The following GLDN variants were observed in gnomAD, a reference collection of about 807,000 sequenced individuals.
GLDN encodes the protein collomin.
Under a neutral mutation model 56.5 loss-of-function variants are expected in GLDN, and 47 were observed. The observed-to-expected ratio is 0.83, with a 90% CI of 0.66 to 1.06. The LOEUF is 1.06. Among genes scored for constraint, GLDN ranks in the 50% least tolerant of loss-of-function variants. The probability of loss-of-function intolerance (pLI) is 0.00; values close to 1 mark genes in which losing one functional copy is unlikely to be tolerated. For synonymous variants in GLDN, 332 were observed against 278.8 expected (o/e 1.19, Z -1.90); for missense variants, 782 against 714.3 (o/e 1.09, Z -1.08).
intron 1 of GLDN, among the ~76,000 whole-genome samples, chr15:51,368,185 A>G (rs187670919): frequency 5.8e-4 from 88 of 152,234 alleles, no homozygotes; most frequent in African/African-American, 2.0e-3. Context: ...TTGAGTACCT[A>G]CTATGTGCTT....
chr15:51,400,076 G>A (rs1177725566), intron 6 of GLDN, 116 bp from the exon 7 acceptor site: 1 of 836,400 alleles, frequency 1.2e-6, no homozygotes, highest in Non-Finnish European at 2.0e-6. Flanking sequence ...TCTATTGCAA[G>A]GGATGTTTAT....
intron 1 of GLDN, among the ~76,000 whole-genome samples, chr15:51,361,124 A>C (rs1466572865): frequency 6.6e-6 from 1 of 152,240 alleles, no homozygotes; most frequent in Non-Finnish European, 1.5e-5. Flanking sequence ...TGATTCCAGC[A>C]GTACTCCTGC....
chr15:51,400,283 A>C lies in GLDN; in HGVS notation c.901+8A>C, dbSNP rs1222444184. 6.2e-7 allele frequency: 1 copy of C among 1,614,100 alleles called. No individual in the cohort carries two copies. Among genetic ancestry groups the C allele is most frequent in the Non-Finnish European group, 8.5e-7 (1 of 1,180,022 alleles). ...ACCATTCCCCACAAGCAGGTATAGAAACAAAGCGTCCTGTCTTGAAATTCA... is the reference window on the plus strand; with the variant it reads ...ACCATTCCCCACAAGCAGGTATAGACACAAAGCGTCCTGTCTTGAAATTCA... On this transcript the variant is annotated splice_region_variant and intron_variant, in intron 7 of 9. Transcript: ENST00000335449.
chr15:51,397,125 G>T lies in GLDN; in HGVS notation c.689-345G>T, dbSNP rs542025127. 2.0e-5 allele frequency among the ~76,000 whole-genome samples: 3 copies of T among 152,286 alleles called. No homozygotes were observed. The East Asian group carries it at 5.8e-4, about 29-fold the overall frequency. The stretch of plus-strand genomic sequence containing the variant: ...GAGGAGAGTGGAGAGGGCGTAGGAG[G>T]TTGGGCCACATCTGCTCTGCCTGCA... On this transcript the variant is annotated intron_variant, in intron 5 of 9. Transcript: ENST00000335449.
chr15:51,411,205 C>T (rs1039880959), downstream of GLDN, among the ~76,000 whole-genome samples: 3 of 152,180 alleles, frequency 2.0e-5, no homozygotes, highest in Non-Finnish European at 2.9e-5. Context: ...AAGCTAAGGG[C>T]CTCCTAACCC....
At chr15:51,345,156 C>T (rs1392254377) in intron 1 of GLDN, among the ~76,000 whole-genome samples, 1 of 152,212 alleles carries the variant, frequency 6.6e-6, no homozygotes, top group African/African-American at 2.4e-5. Context: ...TTTTTGTTCT[C>T]TTCCCATCAG....
At chr15:51,373,034 T>G (rs2037547791) in intron 1 of GLDN, among the ~76,000 whole-genome samples, 1 of 152,146 alleles carries the variant, frequency 6.6e-6, no homozygotes, top group Non-Finnish European at 1.5e-5. Context: ...CTAAATGTCC[T>G]CCTTTAGGCC....
At chr15:51,344,636 A>G (rs28594700) in intron 1 of GLDN, among the ~76,000 whole-genome samples, 2 of 152,234 alleles carry the variant, frequency 1.3e-5, no homozygotes, top group African/African-American at 4.8e-5. Context: ...TGAGAGTGAG[A>G]TCCAAGGTCC....
intron 2 of GLDN, among the ~76,000 whole-genome samples, chr15:51,377,942 G>A (rs2037671191): frequency 6.6e-6 from 1 of 152,188 alleles, no homozygotes; most frequent in Non-Finnish European, 1.5e-5. Flanking sequence ...ACATTACCAT[G>A]AGACCTTGAA....
chr15:51,372,244 C>T (rs1193040531), intron 1 of GLDN, among the ~76,000 whole-genome samples: 1 of 152,194 alleles, frequency 6.6e-6, no homozygotes, highest in Non-Finnish European at 1.5e-5. Context: ...ATCCAATAAC[C>T]TCTTAAAAGG....
At chr15:51,350,838 G>A (rs1331719830) in intron 1 of GLDN, among the ~76,000 whole-genome samples, 1 of 152,128 alleles carries the variant, frequency 6.6e-6, no homozygotes, top group Admixed American at 6.5e-5. Context: ...TGAAAATAGA[G>A]CAGTTGTGTT....
intron 4 of GLDN, chr15:51,384,120 A>C (rs976937786): frequency 2.0e-5 from 11 of 538,184 alleles, no homozygotes; most frequent in East Asian, 7.4e-5. Context: ...TCTCCTGGGA[A>C]CTGACTCGCA....
At chr15:51,362,164 AAAGT>A (rs2037312393) in intron 1 of GLDN, among the ~76,000 whole-genome samples, 1 of 152,184 alleles carries the variant, frequency 6.6e-6, no homozygotes, top group Non-Finnish European at 1.5e-5. Flanking sequence ...AGACTGGAGC[AAAGT>A]GAGTGGGAAG....
chr15:51,393,624 T>C (rs1595834884), intron 4 of GLDN, among the ~76,000 whole-genome samples: 2 of 152,234 alleles, frequency 1.3e-5, no homozygotes, highest in Non-Finnish European at 2.9e-5. Context: ...TCTGCTCTTC[T>C]ATCTTGCAAA....
At chr15:51,362,484 TAAAAAAAAA>T (rs59898719) in intron 1 of GLDN, among the ~76,000 whole-genome samples, 19,156 of 131,828 alleles carry the variant, frequency 0.15, 2,562 homozygotes, top group African/African-American at 0.36. Context: ...GACTCTGTCT[TAAAAAAAAA>T]AAAAAAAAAA....
In GLDN at chr15:51,404,424, G is replaced by T. The variant is rs1225773923; in HGVS notation, c.1326G>T (p.Val442=). 6.2e-7 allele frequency: 1 copy of T among 1,614,042 alleles called. No individual in the cohort carries two copies. The highest frequency in any genetic ancestry group is 1.3e-5 in the African/African-American group (1 of 74,918). ...TTTGGATTATCTATGCGTCAAGTGT[G>T]GACGGCTCGAGCATTCTTGTAGCAC... ...KGLWIIYASS[V]DGSSILVAQL... The change falls in exon 10 of 10, where the codon GTG becomes GTT. Residue 442 remains valine, a synonymous_variant. Transcript: ENST00000335449.
intron 1 of GLDN, among the ~76,000 whole-genome samples, chr15:51,355,540 T>C (rs2037159147): frequency 6.7e-6 from 1 of 149,750 alleles, no homozygotes; most frequent in African/African-American, 2.5e-5. Context: ...TTTTTTTTTT[T>C]TGAGATGGAG....
At chr15:51,382,807 C>T (rs2037796138) in intron 2 of GLDN, among the ~76,000 whole-genome samples, 1 of 152,048 alleles carries the variant, frequency 6.6e-6, no homozygotes, top group Admixed American at 6.6e-5. Flanking sequence ...TCTGAGTACT[C>T]AAATAGAATA....
At chr15:51,375,239 A>G (rs763279971) in intron 1 of GLDN, among the ~76,000 whole-genome samples, 26 of 152,242 alleles carry the variant, frequency 1.7e-4, no homozygotes, top group Non-Finnish European at 2.9e-4. Flanking sequence ...TGGAAAGAGT[A>G]ATCAGTGAAA....
Sources: allele counts gnomAD v4.1 joint callset (sites outside exome capture counted in the v4.1 genomes callset), GRCh38; gene constraint gnomAD v4.1.1; transcripts MANE v1.5; gene names NCBI Gene and HGNC (gene_info 2026-07-23, HGNC 2026-07-21).